VPS53: variants seen among roughly 807,000 people sequenced by gnomAD.
VPS53 encodes the protein vacuolar protein sorting-associated protein 53 homolog.
In VPS53, 70 loss-of-function variants were observed where a neutral mutation model predicts 107.0. The ratio of observed to expected loss-of-function variants is 0.65; its 90% confidence interval spans 0.54 to 0.80. The LOEUF (loss-of-function observed/expected upper bound fraction) is 0.80. Ranked by LOEUF, VPS53 falls within the 30% of genes least tolerant of loss-of-function variation. The pLI is 0.00. For synonymous variants in VPS53, 409 were observed against 393.3 expected (o/e 1.04, Z -0.47); for missense variants, 917 against 1,049.4 (o/e 0.87, Z 1.74).
intron 12 of VPS53, among the ~76,000 whole-genome samples, chr17:599,503 G>A (rs1968218750): frequency 6.6e-6 from 1 of 150,776 alleles, no homozygotes; most frequent in Non-Finnish European, 1.5e-5. Context: ...AGGGTTAAAT[G>A]GATTAAGGGC....
chr17:677,992 G>A (rs1173682741), intron 4 of VPS53, among the ~76,000 whole-genome samples: 2 of 152,022 alleles, frequency 1.3e-5, no homozygotes, highest in East Asian at 1.9e-4. Flanking sequence ...GTGGTGGCGA[G>A]TGCCTGTAGT....
chr17:545,061 A>C (rs1911076371), intron 17 of VPS53, among the ~76,000 whole-genome samples: 1 of 152,210 alleles, frequency 6.6e-6, no homozygotes, highest in Admixed American at 6.5e-5. Flanking sequence ...AGCCTGGGCA[A>C]CAGAGTGAAG....
At position 576,651 on chromosome 17, in the gene VPS53, A is replaced by C. The variant is rs564980130; in HGVS notation, c.1313+9619T>G. Among the ~76,000 whole-genome samples, 33 of 150,930 alleles carry C rather than the reference A, an allele frequency of 2.2e-4. No individual in the cohort carries two copies. The South Asian group carries it at 6.3e-3, about 29-fold the overall frequency. On this transcript the variant is annotated intron_variant, in intron 13 of 21. Coordinates refer to ENST00000437048, the MANE Select transcript of VPS53 (RefSeq NM_001128159.3). ...TCCCAAAGATCCTCCCTCAGAATCT[A>C]ATGCGTTCCCAGAAAAATTTCTTCA... is the stretch of plus-strand genomic sequence containing the variant.
intron 1 of VPS53, among the ~76,000 whole-genome samples, chr17:713,224 G>T (rs1973707969): frequency 6.6e-6 from 1 of 152,142 alleles, no homozygotes; most frequent in East Asian, 1.9e-4. Context: ...TTTCCCAGGG[G>T]TCATTAAATA....
intron 4 of VPS53, among the ~76,000 whole-genome samples, chr17:682,877 T>TAGATAGGCTACAGAGGAGGGGATTG (rs376558530): frequency 1.3e-5 from 2 of 152,126 alleles, no homozygotes; most frequent in African/African-American, 4.8e-5. Flanking sequence ...GGAGGGGATT[T>TAGATAGGCTACAGAGGAGGGGATTG]TAAAATAACA....
chr17:613,275 T>A (rs1968980329), intron 11 of VPS53, among the ~76,000 whole-genome samples: 1 of 145,538 alleles, frequency 6.9e-6, no homozygotes, highest in East Asian at 2.1e-4. Flanking sequence ...TGAAAACCTG[T>A]ACAGATATTC....
intron 4 of VPS53, among the ~76,000 whole-genome samples, chr17:675,852 A>C (rs1028248221): frequency 2.6e-5 from 4 of 151,998 alleles, no homozygotes; most frequent in Admixed American, 1.3e-4. Context: ...GGTCATTATG[A>C]AAGTGGCACT....
At chr17:601,951 C>T in intron 11 of VPS53, 55 bp from the exon 12 acceptor site, 1 of 1,277,234 alleles carries the variant, frequency 7.8e-7, no homozygotes, top group Non-Finnish European at 1.1e-6. Context: ...CAATAGCTTT[C>T]CCCATTGATC....
At chr17:667,304 C>T (rs902128821) in intron 4 of VPS53, among the ~76,000 whole-genome samples, 1 of 150,420 alleles carries the variant, frequency 6.6e-6, no homozygotes, top group Non-Finnish European at 1.5e-5. Flanking sequence ...CTGGTATAGA[C>T]TTTTTTTTTC....
chr17:572,187 G>T (rs1259559277), intron 13 of VPS53, among the ~76,000 whole-genome samples: 1 of 145,700 alleles, frequency 6.9e-6, no homozygotes, highest in Non-Finnish European at 1.5e-5. Flanking sequence ...GAGCGCCTTT[G>T]CCCCGCCGCC....
At chr17:691,343 T>C (rs752463837) in intron 4 of VPS53, among the ~76,000 whole-genome samples, 1 of 152,210 alleles carries the variant, frequency 6.6e-6, no homozygotes, top group African/African-American at 2.4e-5. Flanking sequence ...AAAACTGAAC[T>C]AGTCTGTCCT....
intron 13 of VPS53, among the ~76,000 whole-genome samples, chr17:567,295 T>G (rs964193411): frequency 2.8e-4 from 42 of 152,208 alleles, no homozygotes; most frequent in African/African-American, 8.9e-4. Flanking sequence ...ACTTCTGACA[T>G]TGTTCTTTCA....
Position 553,298 on chromosome 17 carries a change from G to A in VPS53, c.1787+82C>T, listed in dbSNP as rs182361884. On this transcript the variant is annotated intron_variant, in intron 16 of 21. Coordinates refer to ENST00000437048, the MANE Select transcript of VPS53 (RefSeq NM_001128159.3). ...GAGAAAGGGCAGGCAGCGAGCAAGC[G>A]TGTGCAGGGTACATACGTGCTGCAC... 810 of 1,346,594 alleles carry A rather than the reference G, an allele frequency of 6.0e-4. 5 individuals are homozygous for A. The African/African-American group carries it at 0.01, about 17-fold the overall frequency. The allele number at this position is 1,346,594 out of a possible 1,614,324, so 83.4% of individuals were successfully genotyped here.
At chr17:677,488 T>C (rs760424197) in intron 4 of VPS53, among the ~76,000 whole-genome samples, 3 of 152,216 alleles carry the variant, frequency 2.0e-5, no homozygotes, top group Non-Finnish European at 4.4e-5. Flanking sequence ...ATGGTTTTAA[T>C]GTTTACAGAG....
Position 513,434 on chromosome 17 carries a change from A to G in VPS53, c.*5694T>C, listed in dbSNP as rs560068768. 9 of 152,358 alleles carry G rather than the reference A, an allele frequency of 5.9e-5. No homozygotes were observed. The highest frequency in any genetic ancestry group is 2.2e-4 in the African/African-American group (9 of 41,588). The allele number at this position is 152,358 out of a possible 1,614,324, so 9.4% of individuals were successfully genotyped here. A position where few individuals can be genotyped will look rare whatever the true frequency, so the allele number is the denominator to read the frequency against. On this transcript the variant is annotated 3_prime_UTR_variant, in exon 22 of 22. Transcript: ENST00000437048. ...ACAGGACTGGGAATTTTTATTTAAT[A>G]TATAAAATGTCATCGTACCCTTCAT...
intron 13 of VPS53, among the ~76,000 whole-genome samples, chr17:582,785 A>G (rs1967107642): frequency 6.6e-6 from 1 of 151,050 alleles, no homozygotes; most frequent in South Asian, 2.1e-4. Flanking sequence ...TTTCCAGAGA[A>G]CCTCCCTCAG....
At chr17:690,495 G>C (rs2143855753) in intron 4 of VPS53, among the ~76,000 whole-genome samples, 1 of 152,368 alleles carries the variant, frequency 6.6e-6, no homozygotes, top group African/African-American at 2.4e-5. Flanking sequence ...GTTCAGACGT[G>C]ACAACAGCTG....
At chr17:585,555 T>C (rs9910439) in intron 13 of VPS53, among the ~76,000 whole-genome samples, 65,978 of 151,850 alleles carry the variant, frequency 0.43, 15,544 homozygotes, top group African/African-American at 0.61. Flanking sequence ...AGTGGGAGGA[T>C]TGCTTGAGCC....
intron 4 of VPS53, among the ~76,000 whole-genome samples, chr17:685,836 C>CA (rs544684797): frequency 3.1e-4 from 46 of 150,774 alleles, no homozygotes; most frequent in African/African-American, 9.0e-4. Flanking sequence ...CCCATCACTA[C>CA]AAAAAAAAAC....
Sources: allele counts gnomAD v4.1 joint callset (sites outside exome capture counted in the v4.1 genomes callset), GRCh38; gene constraint gnomAD v4.1.1; transcripts MANE v1.5; gene names NCBI Gene and HGNC (gene_info 2026-07-23, HGNC 2026-07-21).